The following HARS1 variants were observed in gnomAD, a reference collection of about 807,000 sequenced individuals.
HARS1 encodes the protein histidine--tRNA ligase, cytoplasmic.
In HARS1, 45 loss-of-function variants were observed where a neutral mutation model predicts 63.6. The observed-to-expected ratio is 0.71, with a 90% CI of 0.56 to 0.91. The LOEUF (loss-of-function observed/expected upper bound fraction) is 0.91, where lower values mean the gene tolerates loss of function less well. Among genes scored for constraint, HARS1 ranks in the 40% least tolerant of loss-of-function variants. HARS1 has a pLI of 0.00. For missense variants in HARS1, 508 were observed against 643.2 expected (o/e 0.79, Z 2.27); for synonymous variants, 205 against 247.1 (o/e 0.83, Z 1.60).
chr5:140,683,300 A>C, intron 2 of HARS1, 81 bp from the exon 3 acceptor site: 1 of 1,430,326 alleles, frequency 7.0e-7, no homozygotes, highest in Non-Finnish European at 9.7e-7. Context: ...TAAAAGGATG[A>C]CCTCAATAAT....
rs1279693032 is a variant in HARS1 at position 140,678,844 on chromosome 5, A to C, written c.522+158T>G. 2.2e-5 allele frequency: 17 copies of C among 756,698 alleles called. No homozygotes were observed. In the East Asian group the frequency reaches 4.5e-4, roughly 20 times the overall value. The allele number at this position is 756,698 out of a possible 1,614,324, so 46.9% of individuals were successfully genotyped here. On this transcript the variant is annotated intron_variant, in intron 5 of 12. Coordinates refer to ENST00000504156, the MANE Select transcript of HARS1 (RefSeq NM_002109.6). ...GGGCAACAGAGCGAGACTCCGTCTC[A>C]AAAAAACAAAAAACAAACAAAAAAA...
chr5:140,682,838 G>C (rs537245507), intron 3 of HARS1: 2 of 355,740 alleles, frequency 5.6e-6, no homozygotes, highest in East Asian at 9.1e-5. Context: ...CAGATGCCAC[G>C]CAATACAATG....
intron 3 of HARS1, among the ~76,000 whole-genome samples, 194 bp from the exon 4 acceptor site, chr5:140,680,077 C>G (rs553568778): frequency 6.6e-6 from 1 of 152,030 alleles, no homozygotes; most frequent in Non-Finnish European, 1.5e-5. Context: ...GATTTTGTAA[C>G]AGAGCTGAAG....
chr5:140,674,054 T>G lies in HARS1; in HGVS notation c.*203A>C. 1.6e-6 allele frequency: 1 copy of G among 642,144 alleles called. No individual in the cohort carries two copies. 39.8% of individuals were successfully genotyped at this position (642,144 alleles called of 1,614,324 possible). Reference sequence around the variant, plus strand: ...ACTGGACTAAGCCTCCTGGGCCTTGTATGAAAAAGGTGTTGTACCTGGCCG... The same window carrying G: ...ACTGGACTAAGCCTCCTGGGCCTTGGATGAAAAAGGTGTTGTACCTGGCCG... On this transcript the variant is annotated 3_prime_UTR_variant, in exon 13 of 13. Coordinates refer to ENST00000504156, the MANE Select transcript of HARS1 (RefSeq NM_002109.6).
intron 2 of HARS1, chr5:140,684,772 T>A (rs938582784): frequency 6.6e-6 from 1 of 152,228 alleles, no homozygotes; most frequent in Non-Finnish European, 1.5e-5. Flanking sequence ...GGCAAAAATT[T>A]TAAAATATTT....
At chr5:140,682,447 C>G (rs1758779666) in intron 3 of HARS1, among the ~76,000 whole-genome samples, 1 of 152,056 alleles carries the variant, frequency 6.6e-6, no homozygotes, top group Non-Finnish European at 1.5e-5. Flanking sequence ...AGGCAGTGGC[C>G]AGATCACCTA....
intron 2 of HARS1, among the ~76,000 whole-genome samples, chr5:140,690,563 C>T (rs7706544): frequency 0.017 from 2,572 of 152,268 alleles, 73 homozygotes; most frequent in African/African-American, 0.058. Context: ...ATATTCAGTG[C>T]TTTGTATAGT....
chr5:140,684,641 T>C (rs1758913870), intron 2 of HARS1: 1 of 153,616 alleles, frequency 6.5e-6, no homozygotes, highest in Non-Finnish European at 1.4e-5. Context: ...GAGCTTCCAA[T>C]CTGGGCTTTT....
In HARS1 at chr5:140,674,020, G is replaced by T; in HGVS notation, c.*237C>A. On this transcript the variant is annotated 3_prime_UTR_variant, in exon 13 of 13. Coordinates refer to ENST00000504156, the MANE Select transcript of HARS1 (RefSeq NM_002109.6). Reference sequence around the variant, plus strand: ...TCTCAGGCTGGGTCCTTGTAGCCCAGGAGCACAGACTGGACTAAGCCTCCT... The same window carrying T: ...TCTCAGGCTGGGTCCTTGTAGCCCATGAGCACAGACTGGACTAAGCCTCCT... 1.7e-6 allele frequency: 1 copy of T among 603,970 alleles called. No homozygotes were observed. The highest frequency in any genetic ancestry group is 2.8e-5 in the East Asian group (1 of 35,144). 37.4% of individuals were successfully genotyped at this position (603,970 alleles called of 1,614,324 possible).
chr5:140,681,599 G>C (rs1758735428), intron 3 of HARS1, among the ~76,000 whole-genome samples: 2 of 152,090 alleles, frequency 1.3e-5, no homozygotes, highest in African/African-American at 4.8e-5. Context: ...AACCTGGGAG[G>C]TGGAGTTGCA....
At position 140,676,862 on chromosome 5, in the gene HARS1, T is replaced by C; in HGVS notation, c.986A>G (p.Asp329Gly). The C allele has an allele frequency of 6.2e-7, 1 of 1,613,994 alleles. No homozygotes were observed. The highest frequency in any genetic ancestry group is 8.5e-7 in the Non-Finnish European group (1 of 1,179,844). ...SFDLSLARGL[D>G]YYTGVIYEAV... ...CTCATAGATCACCCCAGTGTAGTAATCCAGCCCTCGAGCAAGGCTCAGGTC... is the reference window on the plus strand; with the variant it reads ...CTCATAGATCACCCCAGTGTAGTAACCCAGCCCTCGAGCAAGGCTCAGGTC... The change falls in exon 10 of 13, where the codon GAT becomes GGT. Residue 329 changes from aspartate (D) to glycine (G), a missense_variant. Physicochemically the swap from Asp to Gly is moderately conservative, Grantham distance 94. This residue lies in a region of HARS1 where 403 missense variants were observed against 548.7 expected (regional missense o/e 0.73). Coordinates refer to ENST00000504156, the MANE Select transcript of HARS1 (RefSeq NM_002109.6). The surrounding 1 kb of genome is among the most constrained non-coding windows in gnomAD (Gnocchi z 4.1).
rs760967356 is a variant in HARS1 at position 140,677,896 on chromosome 5, G to A, written c.630+12C>T. On this transcript the variant is annotated intron_variant, in intron 6 of 12. Transcript: ENST00000504156. ...GGCCCAACTTTGCCCTCCCAGCCTTGTCAGCTCTGACCTTGACCAGGAAGT... is the reference window on the plus strand; with the variant it reads ...GGCCCAACTTTGCCCTCCCAGCCTTATCAGCTCTGACCTTGACCAGGAAGT... The A allele has an allele frequency of 9.5e-6, 15 of 1,578,052 alleles. No homozygotes were observed. In the Admixed American group the frequency reaches 2.2e-4, roughly 23 times the overall value.
chr5:140,689,667 T>G lies in HARS1; in HGVS notation c.180+1188A>C, dbSNP rs143569397. ...ATCCACAGTTGGTTGAATCTGTGAATGTGGGACCTTGGGATATGGAGGGCT... is the reference window on the plus strand; with the variant it reads ...ATCCACAGTTGGTTGAATCTGTGAAGGTGGGACCTTGGGATATGGAGGGCT... On this transcript the variant is annotated intron_variant, in intron 2 of 12. Transcript: ENST00000504156. Among the ~76,000 whole-genome samples, 31 of 152,348 alleles carry G rather than the reference T, an allele frequency of 2.0e-4. 1 individual carries two copies. In the East Asian group the frequency reaches 5.8e-3, roughly 28 times the overall value.
chr5:140,680,153 GTTTT>G, intron 3 of HARS1, among the ~76,000 whole-genome samples: 1 of 142,284 alleles, frequency 7.0e-6, no homozygotes, highest in South Asian at 2.2e-4. Flanking sequence ...CATGAAGTTT[GTTTT>G]TTTTTTTTGA....
chr5:140,675,132 G>A lies in HARS1; in HGVS notation c.1196C>T (p.Ala399Val), dbSNP rs34732372. The A allele has an allele frequency of 8.2e-4, 1,306 of 1,585,242 alleles. 7 individuals carry two copies. The African/African-American group carries it at 0.016, about 19-fold the overall frequency. ...IFSIVEQRLE[A>V]LEEKIRTTET... is the part of the protein sequence containing the mutation. ...CGTGGTCCGTATCTTCTCCTCCAAAGCCTGGGGAAGGGGCAGATAAAAGAG... is the reference window on the plus strand; with the variant it reads ...CGTGGTCCGTATCTTCTCCTCCAAAACCTGGGGAAGGGGCAGATAAAAGAG... The change falls in exon 11 of 13, where the codon GCT becomes GTT. Residue 399 changes from alanine to valine, a missense_variant and splice_region_variant. Transcript: ENST00000504156.
Position 140,674,105 on chromosome 5 carries a change from T to A in HARS1, c.*152A>T. On this transcript the variant is annotated 3_prime_UTR_variant, in exon 13 of 13. Transcript: ENST00000504156. ...TTTTTGCCAGTAATAATCAATAAAA[T>A]AACCATAATAAAAATCAAAGGCTCT... 1.4e-6 allele frequency: 1 copy of A among 703,600 alleles called. No individual in the cohort carries two copies. The highest frequency in any genetic ancestry group is 2.6e-6 in the Non-Finnish European group (1 of 380,608). 43.6% of individuals were successfully genotyped at this position (703,600 alleles called of 1,614,324 possible).
chr5:140,678,582 C>A (rs146560255), intron 5 of HARS1: 1 of 165,916 alleles, frequency 6.0e-6, no homozygotes, highest in Non-Finnish European at 1.3e-5. Context: ...CGGTGGCTCA[C>A]GCCTGTAATC....
chr5:140,681,330 A>G (rs1284559496), intron 3 of HARS1, among the ~76,000 whole-genome samples: 1 of 152,160 alleles, frequency 6.6e-6, no homozygotes, highest in East Asian at 1.9e-4. Context: ...TGTTGTTGTA[A>G]GAAGAGAAAA....
At chr5:140,682,437 A>C (rs1758779232) in intron 3 of HARS1, among the ~76,000 whole-genome samples, 2 of 152,078 alleles carry the variant, frequency 1.3e-5, no homozygotes, top group African/African-American at 4.8e-5. Context: ...GAGGTAGGAG[A>C]GGCAGTGGCC....
Sources: allele counts gnomAD v4.1 joint callset (sites outside exome capture counted in the v4.1 genomes callset), GRCh38; gene constraint gnomAD v4.1.1; regional missense constraint gnomAD v4.1.1; non-coding constraint Gnocchi (gnomAD v3.1); transcripts MANE v1.5; gene names NCBI Gene and HGNC (gene_info 2026-07-23, HGNC 2026-07-21).